The following MCC variants were observed in gnomAD, a reference collection of about 807,000 sequenced individuals.
The protein encoded by MCC is colorectal mutant cancer protein.
A neutral mutation model predicts 116.2 loss-of-function variants in MCC; 90 were observed. The ratio of observed to expected loss-of-function variants is 0.77; its 90% CI spans 0.65 to 0.92. MCC has a LOEUF of 0.92. Ranked by LOEUF, MCC falls within the 40% of genes least tolerant of loss-of-function variation. The pLI is 0.00. For missense variants in MCC, 1,516 were observed against 1,312.2 expected (o/e 1.16, Z -2.40); for synonymous variants, 578 against 510.5 (o/e 1.13, Z -1.78).
At chr5:113,095,112 T>G (rs1198918029) in intron 8 of MCC, among the ~76,000 whole-genome samples, 1 of 152,206 alleles carries the variant, frequency 6.6e-6, no homozygotes, top group Non-Finnish European at 1.5e-5. Context: ...AGCATTAGAA[T>G]GCCAGGAGAG....
At chr5:113,354,445 T>TTTC (rs1768359327) in intron 2 of MCC, among the ~76,000 whole-genome samples, 1 of 150,434 alleles carries the variant, frequency 6.6e-6, no homozygotes, top group African/African-American at 2.5e-5. Context: ...TTTTCTTTTT[T>TTTC]TTTTTCTGAG....
chr5:113,049,044 C>T (rs762695446), intron 16 of MCC, 49 bp downstream of exon 16: 3 of 1,577,476 alleles, frequency 1.9e-6, no homozygotes, highest in African/African-American at 2.7e-5. Context: ...TGGGCAGTCA[C>T]TGGGCAGTCA....
chr5:113,270,340 T>C (rs1450429971), intron 3 of MCC, among the ~76,000 whole-genome samples: 1 of 152,060 alleles, frequency 6.6e-6, no homozygotes, highest in Non-Finnish European at 1.5e-5. Context: ...CAACAGAATG[T>C]GGGGGAATGC....
Position 113,028,981 on chromosome 5 carries a change from T to C in MCC, c.2832A>G (p.Arg944=). 6.2e-7 allele frequency: 1 copy of C among 1,614,072 alleles called. No homozygotes were observed. The change falls in exon 18 of 19, where the codon CGA becomes CGG. Residue 944 remains arginine (R), a synonymous_variant. Transcript: ENST00000408903. ...TCACGAACTCTGCAGATTGCTGATG[T>C]CGGATTTCACTGCTCTTGGTGAGTC... is the stretch of plus-strand genomic sequence containing the variant. ...LERLTKSSEI[R]HQQSAEFVND... is the part of the protein sequence containing the mutation.
intron 4 of MCC, among the ~76,000 whole-genome samples, chr5:113,148,596 T>C (rs1759664499): frequency 6.6e-6 from 1 of 152,254 alleles, no homozygotes; most frequent in African/African-American, 2.4e-5. Flanking sequence ...TTTGCTCTTC[T>C]ACAATCTGGT....
chr5:113,125,789 A>AT (rs1367628292), intron 5 of MCC, among the ~76,000 whole-genome samples: 2 of 152,190 alleles, frequency 1.3e-5, no homozygotes, highest in Non-Finnish European at 2.9e-5. Flanking sequence ...TGGTGAGGCT[A>AT]ATGACACAGC....
intron 3 of MCC, among the ~76,000 whole-genome samples, chr5:113,248,138 G>C (rs1330498847): frequency 6.6e-6 from 1 of 151,866 alleles, no homozygotes; most frequent in Non-Finnish European, 1.5e-5. Flanking sequence ...GCTGACGTGG[G>C]AGGATTACTT....
At chr5:113,155,931 G>A (rs1002286064) in intron 3 of MCC, among the ~76,000 whole-genome samples, 2 of 152,180 alleles carry the variant, frequency 1.3e-5, no homozygotes, top group East Asian at 1.9e-4. Context: ...TGGCCAGTGC[G>A]ATGTAAGCAG....
At chr5:113,228,091 A>C (rs982604329) in intron 3 of MCC, among the ~76,000 whole-genome samples, 3 of 152,244 alleles carry the variant, frequency 2.0e-5, no homozygotes, top group African/African-American at 4.8e-5. Flanking sequence ...TTGCCTACTT[A>C]AGTAGGTGTT....
rs532095735 is a variant in MCC, at chr5:113,062,932, C to T, written c.2213+1052G>A. Among the ~76,000 whole-genome samples the T allele has an allele frequency of 1.3e-4, 20 of 152,350 alleles. No individual in the cohort carries two copies. The East Asian group carries it at 3.7e-3, about 28-fold the overall frequency. ...TCAGTATTTCTCCTCTGGCTCTCAA[C>T]AGTCAATCTATCTTTATGCAGTTCT... On this transcript the variant is annotated intron_variant, in intron 14 of 18. Transcript: ENST00000408903.
intron 9 of MCC, among the ~76,000 whole-genome samples, chr5:113,084,899 C>T (rs1033623958): frequency 1.4e-4 from 21 of 152,224 alleles, no homozygotes; most frequent in African/African-American, 5.1e-4. Context: ...ACGTCTCACT[C>T]TCCATAATGA....
At chr5:113,055,503 G>A (rs1011843901) in intron 14 of MCC, among the ~76,000 whole-genome samples, 1 of 152,212 alleles carries the variant, frequency 6.6e-6, no homozygotes, top group African/African-American at 2.4e-5. Context: ...TTCACAGGAG[G>A]AAGAGGCTAC....
At chr5:113,057,776 C>A (rs185117246) in intron 14 of MCC, among the ~76,000 whole-genome samples, 1 of 152,274 alleles carries the variant, frequency 6.6e-6, no homozygotes, top group Non-Finnish European at 1.5e-5. Flanking sequence ...ATCATCAACA[C>A]TGATGTGGAG....
At chr5:113,173,179 G>C (rs1012649553) in intron 3 of MCC, among the ~76,000 whole-genome samples, 1 of 151,614 alleles carries the variant, frequency 6.6e-6, no homozygotes, top group African/African-American at 2.4e-5. Context: ...TTCCTTAACA[G>C]ATCCTCTCTC....
chr5:113,047,400 C>T (rs1002960372), intron 16 of MCC, among the ~76,000 whole-genome samples: 1 of 152,194 alleles, frequency 6.6e-6, no homozygotes, highest in African/African-American at 2.4e-5. Context: ...GAGGGCTGGC[C>T]TGGCTGGGTG....
At chr5:113,108,030 G>C (rs955574910) in intron 6 of MCC, among the ~76,000 whole-genome samples, 6 of 152,114 alleles carry the variant, frequency 3.9e-5, no homozygotes, top group Admixed American at 6.5e-5. Flanking sequence ...CCTCTCTGCT[G>C]CCCACCACTA....
At chr5:113,465,198 C>G (rs1331790444) in intron 1 of MCC, among the ~76,000 whole-genome samples, 3 of 112,464 alleles carry the variant, frequency 2.7e-5, no homozygotes, top group East Asian at 2.3e-4. Flanking sequence ...ACAGGTAGAT[C>G]AAGAAAAAAA....
chr5:113,069,008 C>A (rs1004267708), intron 12 of MCC, among the ~76,000 whole-genome samples: 2 of 152,230 alleles, frequency 1.3e-5, no homozygotes, highest in Non-Finnish European at 2.9e-5. Flanking sequence ...CCTAGACCTG[C>A]ACTATTCAAT....
intron 3 of MCC, among the ~76,000 whole-genome samples, chr5:113,249,536 C>T (rs898362370): frequency 6.6e-6 from 1 of 152,196 alleles, no homozygotes; most frequent in African/African-American, 2.4e-5. Flanking sequence ...CCATTCATTC[C>T]AGCCTCTGCT....
Sources: allele counts gnomAD v4.1 joint callset (sites outside exome capture counted in the v4.1 genomes callset), GRCh38; gene constraint gnomAD v4.1.1; transcripts MANE v1.5; gene names NCBI Gene and HGNC (gene_info 2026-07-23, HGNC 2026-07-21).